Variants in XKR4 observed in about 807,000 individuals in gnomAD.
XKR4 encodes XK related 4, also known as XK-related protein 4.
A neutral mutation model predicts 53.9 loss-of-function variants in XKR4; 12 were observed. That is an observed-to-expected ratio of 0.22 (90% CI 0.14 to 0.36). XKR4 has a LOEUF of 0.36. XKR4 is among the 10% of genes least tolerant of loss of function. XKR4 has a pLI of 1.00. For synonymous variants in XKR4, 354 were observed against 362.4 expected (o/e 0.98, Z 0.26); for missense variants, 799 against 859.5 (o/e 0.93, Z 0.88).
intron 1 of XKR4, among the ~76,000 whole-genome samples, chr8:55,252,443 C>A (rs755689137): frequency 6.6e-6 from 1 of 152,160 alleles, no homozygotes; most frequent in African/African-American, 2.4e-5. Context: ...GCTCTTGGAA[C>A]AAAGCAGACA....
chr8:55,415,763 A>G (rs895717736), intron 2 of XKR4, among the ~76,000 whole-genome samples: 2 of 152,244 alleles, frequency 1.3e-5, no homozygotes, highest in African/African-American at 4.8e-5. Flanking sequence ...ATGCAGTCAT[A>G]GAAACTAGAT....
chr8:55,495,805 G>A (rs1032418359), intron 2 of XKR4, among the ~76,000 whole-genome samples: 2 of 152,226 alleles, frequency 1.3e-5, no homozygotes, highest in Admixed American at 6.5e-5. Context: ...TACTGCTCCC[G>A]CAGCTGCTTC....
At position 55,370,018 on chromosome 8, in the gene XKR4, C is replaced by A. The variant is rs559204867; in HGVS notation, c.1006+12141C>A. Among the ~76,000 whole-genome samples, 53 of 152,154 alleles carry A rather than the reference C, an allele frequency of 3.5e-4. 1 individual carries two copies. The highest frequency in any genetic ancestry group is 1.2e-3 in the African/African-American group (50 of 41,512). On this transcript the variant is annotated intron_variant, in intron 2 of 2. Coordinates refer to ENST00000327381, the MANE Select transcript of XKR4 (RefSeq NM_052898.2). ...AAGGCTACAGTGAGCTATGATTGTA[C>A]CAGTGTACTCCAGTCTGGGTGAAAG...
intron 1 of XKR4, among the ~76,000 whole-genome samples, chr8:55,178,351 A>G (rs1585922001): frequency 6.6e-6 from 1 of 152,170 alleles, no homozygotes; most frequent in East Asian, 1.9e-4. Context: ...GACAGCTTAA[A>G]CTGTGCCAGA....
intron 1 of XKR4, among the ~76,000 whole-genome samples, chr8:55,217,128 G>A: frequency 6.6e-6 from 1 of 151,042 alleles, no homozygotes; most frequent in African/African-American, 2.4e-5. Context: ...TGTAGTCCCA[G>A]CTACTCGGGA....
At chr8:55,110,244 A>G (rs758901206) in intron 1 of XKR4, among the ~76,000 whole-genome samples, 1 of 152,186 alleles carries the variant, frequency 6.6e-6, no homozygotes, top group Non-Finnish European at 1.5e-5. Flanking sequence ...TCTATAAGAA[A>G]TATTCTCTTA....
intron 1 of XKR4, among the ~76,000 whole-genome samples, chr8:55,321,502 A>G (rs1803211842): frequency 1.3e-5 from 2 of 152,148 alleles, no homozygotes; most frequent in African/African-American, 4.8e-5. Context: ...ACCTGAGACT[A>G]TAGACCCTGG....
rs139114709 is a variant in XKR4, at chr8:55,201,783, C to T, written c.806+98489C>T. ...GATGGCCCTGGATAAGTACTGAAAT[C>T]GCATGCACATTCCTGCTGAATTGGT... On this transcript the variant is annotated intron_variant, in intron 1 of 2. Coordinates refer to ENST00000327381, the MANE Select transcript of XKR4 (RefSeq NM_052898.2). 7.2e-3 allele frequency among the ~76,000 whole-genome samples: 1,093 copies of T among 152,286 alleles called. 11 individuals are homozygous for T. Among genetic ancestry groups the T allele is most frequent in the Non-Finnish European group, 8.1e-3 (553 of 68,020 alleles).
At chr8:55,513,682 T>C (rs1442983918) in intron 2 of XKR4, among the ~76,000 whole-genome samples, 4 of 152,208 alleles carry the variant, frequency 2.6e-5, no homozygotes, top group Admixed American at 6.5e-5. Context: ...GGAGGTTCCA[T>C]AGGTTTGTTT....
At chr8:55,453,083 G>A (rs1246330497) in intron 2 of XKR4, 2 of 569,524 alleles carry the variant, frequency 3.5e-6, no homozygotes, top group Admixed American at 4.0e-5. Context: ...TCCTCGGTGG[G>A]CTCCAGGTAA....
At chr8:55,228,517 C>CT (rs1465041379) in intron 1 of XKR4, among the ~76,000 whole-genome samples, 1 of 151,868 alleles carries the variant, frequency 6.6e-6, no homozygotes, top group Non-Finnish European at 1.5e-5. Context: ...TCTCAGAAGC[C>CT]TTAGGCACGT....
rs143131962 is a variant in XKR4, at chr8:55,171,325, A to G, written c.806+68031A>G. Among the ~76,000 whole-genome samples the G allele has an allele frequency of 3.7e-3, 566 of 152,314 alleles. 2 individuals carry two copies. Among genetic ancestry groups the G allele is most frequent in the African/African-American group, 6.0e-3 (248 of 41,574 alleles). On this transcript the variant is annotated intron_variant, in intron 1 of 2. Transcript: ENST00000327381. ...GTTACAGCGTCTGGTGGGAGACACA[A>G]TGGAGAGAAGGGAAGAGATGAGGCT...
chr8:55,249,684 A>G (rs2129369501), intron 1 of XKR4, among the ~76,000 whole-genome samples: 1 of 152,352 alleles, frequency 6.6e-6, no homozygotes, highest in South Asian at 2.1e-4. Flanking sequence ...AATATTCACA[A>G]AGACCTATGT....
intron 1 of XKR4, among the ~76,000 whole-genome samples, chr8:55,308,935 G>A (rs1819350423): frequency 6.6e-6 from 1 of 152,212 alleles, no homozygotes; most frequent in Admixed American, 6.5e-5. Flanking sequence ...GGTACCAGTG[G>A]AAGCTGAAGA....
intron 1 of XKR4, among the ~76,000 whole-genome samples, chr8:55,166,259 C>A (rs9298528): frequency 0.029 from 4,352 of 152,114 alleles, 167 homozygotes; most frequent in East Asian, 0.12. Context: ...TGATGCACAG[C>A]GACTCTGATA....
At chr8:55,397,242 T>C (rs1238693931) in intron 2 of XKR4, among the ~76,000 whole-genome samples, 1 of 152,264 alleles carries the variant, frequency 6.6e-6, no homozygotes, top group African/African-American at 2.4e-5. Context: ...TTTGGCAGAC[T>C]CTGTGTTTGC....
chr8:55,291,158 T>C (rs923200266), intron 1 of XKR4, among the ~76,000 whole-genome samples: 7 of 152,202 alleles, frequency 4.6e-5, no homozygotes, highest in African/African-American at 1.4e-4. Flanking sequence ...TATATCTTTG[T>C]CAAAAATCAG....
chr8:55,403,739 C>T (rs1207338712), intron 2 of XKR4, among the ~76,000 whole-genome samples: 1 of 152,244 alleles, frequency 6.6e-6, no homozygotes, highest in East Asian at 1.9e-4. Flanking sequence ...AGCCTCTCCC[C>T]ACCAACTTTC....
intron 2 of XKR4, among the ~76,000 whole-genome samples, chr8:55,500,812 G>A (rs2036620): frequency 0.44 from 66,810 of 152,062 alleles, 17,299 homozygotes; most frequent in African/African-American, 0.73. Flanking sequence ...AAATGAGAAT[G>A]CTGAAGCTCT....
Sources: gnomAD v4.1 joint callset for allele counts (sites outside exome capture counted in the v4.1 genomes callset) on GRCh38, gnomAD v4.1.1 for gene constraint, MANE v1.5 for transcripts, NCBI Gene and HGNC (gene_info 2026-07-23, HGNC 2026-07-21) for gene names.